Variants in ITGAM observed in about 807,000 individuals in gnomAD.
ITGAM encodes the protein integrin alpha-M.
ITGAM carries 79 observed loss-of-function variants against 137.5 expected under a neutral mutation model. That is an observed-to-expected ratio of 0.57 (90% CI 0.48 to 0.69). ITGAM has a LOEUF of 0.69. ITGAM is among the 30% of genes least tolerant of loss of function. ITGAM has a pLI of 0.00. For missense variants in ITGAM, 1,343 were observed against 1,483.5 expected (o/e 0.91, Z 1.56); for synonymous variants, 583 against 592.3 (o/e 0.98, Z 0.23).
intron 12 of ITGAM, among the ~76,000 whole-genome samples, chr16:31,279,419 T>G (rs1404357135): frequency 6.6e-6 from 1 of 152,222 alleles, no homozygotes; most frequent in East Asian, 1.9e-4. Flanking sequence ...GACTTTTTAA[T>G]GATCACCATT....
intron 14 of ITGAM, among the ~76,000 whole-genome samples, chr16:31,313,806 T>C (rs1174614290): frequency 6.6e-6 from 1 of 152,224 alleles, no homozygotes; most frequent in East Asian, 1.9e-4. Context: ...ATCGCCACAC[T>C]GTCTTCTACA....
At position 31,330,723 on chromosome 16, in the gene ITGAM, GAGAC is replaced by G. The variant is rs1597045320; in HGVS notation, c.3276+122_3276+125del. On this transcript the variant is annotated intron_variant, in intron 28 of 29. Transcript: ENST00000544665. ...GGAGAGAGAGAGACAGAGCGACAGA[GAGAC>G]AGAGAGATACAGAGACGTAAGGAGA... The G allele has an allele frequency of 2.1e-5, 15 of 708,504 alleles. No homozygotes were observed. In the East Asian group the frequency reaches 3.5e-4, roughly 17 times the overall value. The allele number at this position is 708,504 out of a possible 1,614,324, so 43.9% of individuals were successfully genotyped here.
intron 14 of ITGAM, among the ~76,000 whole-genome samples, chr16:31,302,832 G>T (rs1177930138): frequency 6.6e-6 from 1 of 150,950 alleles, no homozygotes; most frequent in East Asian, 2.0e-4. Flanking sequence ...ACCGCGCCCA[G>T]CTTTTTCTTT....
At position 31,271,000 on chromosome 16, in the gene ITGAM, T is replaced by C. The variant is rs952116235; in HGVS notation, c.474T>C (p.Ser158=). ...ACATTGCCTTCTTGATTGATGGCTC[T>C]GGTAGCATCATCCCACATGACTTTC... The part of the protein sequence containing the change: ...DSDIAFLIDG[S]GSIIPHDFRR... Residue 158 remains serine (S), a synonymous_variant, in exon 6 of 30, where the codon TCT becomes TCC. Coordinates refer to ENST00000544665, the MANE Select transcript of ITGAM (RefSeq NM_000632.4). 4 of 1,592,992 alleles carry C rather than the reference T, an allele frequency of 2.5e-6. No homozygotes were observed. The East Asian group carries it at 9.1e-5, about 36-fold the overall frequency.
At chr16:31,322,363 GC>G (rs959826306) in intron 16 of ITGAM, among the ~76,000 whole-genome samples, 4 of 152,178 alleles carry the variant, frequency 2.6e-5, no homozygotes, top group African/African-American at 9.7e-5. Context: ...AGAGCAGCCA[GC>G]ATGGCTAGAA....
At position 31,331,926 on chromosome 16, in the gene ITGAM, C is replaced by A; in HGVS notation, c.*219C>A. The stretch of plus-strand genomic sequence containing the variant: ...GCGTGTGCGTGCATGTGCACTTGCA[C>A]GCCCATGTGTGAGTGTGTGCAAGTA... On this transcript the variant is annotated 3_prime_UTR_variant, in exon 30 of 30. Coordinates refer to ENST00000544665, the MANE Select transcript of ITGAM (RefSeq NM_000632.4). 3.6e-6 allele frequency: 2 copies of A among 558,324 alleles called. No individual in the cohort carries two copies. The highest frequency in any genetic ancestry group is 6.3e-6 in the Non-Finnish European group (2 of 316,122). 34.6% of individuals were successfully genotyped at this position (558,324 alleles called of 1,614,324 possible).
At chr16:31,277,153 G>C (rs2144311333) in intron 11 of ITGAM, 104 bp downstream of exon 11, 2 of 978,840 alleles carry the variant, frequency 2.0e-6, no homozygotes, top group East Asian at 5.5e-5. Context: ...CATATGTATG[G>C]GATACTAGCT....
chr16:31,318,092 T>C (rs980417899), intron 14 of ITGAM, among the ~76,000 whole-genome samples: 1 of 152,194 alleles, frequency 6.6e-6, no homozygotes. Context: ...TTCAATTTCC[T>C]TACTCATTAT....
chr16:31,323,159 C>T (rs777375962), intron 16 of ITGAM, among the ~76,000 whole-genome samples: 2 of 152,024 alleles, frequency 1.3e-5, no homozygotes, highest in Non-Finnish European at 2.9e-5. Flanking sequence ...TGGCCAGTCA[C>T]GGTGGCTCAC....
In ITGAM at chr16:31,324,258, A is replaced by G. The variant is rs529685463; in HGVS notation, c.2003-141A>G. 8 of 589,618 alleles carry G rather than the reference A, an allele frequency of 1.4e-5. No individual in the cohort carries two copies. The highest frequency in any genetic ancestry group is 1.1e-4 in the African/African-American group (6 of 54,228). 36.5% of individuals were successfully genotyped at this position (589,618 alleles called of 1,614,324 possible). A position where few individuals can be genotyped will look rare whatever the true frequency, so the allele number is the denominator to read the frequency against. ...GAAAGAAAGAAAGAAAAAGGAAGGA[A>G]GGAAGGAAAGAAGACTCAGAGAAGT... On this transcript the variant is annotated intron_variant, in intron 16 of 29. Transcript: ENST00000544665. This position sits in a 1 kb window ranked among gnomAD's most constrained non-coding sequence, Gnocchi z 4.5.
rs558150108 is a variant in ITGAM at position 31,311,081 on chromosome 16, A to G, written c.1708-10160A>G. 5.3e-5 allele frequency among the ~76,000 whole-genome samples: 8 copies of G among 152,326 alleles called. No individual in the cohort carries two copies. The South Asian group carries it at 1.5e-3, about 28-fold the overall frequency. The stretch of plus-strand genomic sequence containing the variant: ...GGTGCTGGGAAAACTGGCTGGCCAT[A>G]TGTAGAAAGCTGAAACTGGATCCCT... On this transcript the variant is annotated intron_variant, in intron 14 of 29. Coordinates refer to ENST00000544665, the MANE Select transcript of ITGAM (RefSeq NM_000632.4).
intron 29 of ITGAM, 98 bp downstream of exon 29, chr16:31,331,373 G>T: frequency 1.3e-6 from 1 of 776,862 alleles, no homozygotes; most frequent in South Asian, 1.6e-5. Flanking sequence ...CCAGCTGTGT[G>T]ACTGGGGCGA....
Position 31,329,035 on chromosome 16 carries a change from C to G in ITGAM, c.2793-193C>G, listed in dbSNP as rs1246369814. 4.7e-6 allele frequency: 3 copies of G among 641,998 alleles called. No homozygotes were observed. In the Admixed American group the frequency reaches 7.9e-5, roughly 17 times the overall value. 39.8% of individuals were successfully genotyped at this position (641,998 alleles called of 1,614,324 possible). ...ATTTGTGCACGTGTGTGTGAGTGGC[C>G]CAAATGGGCACGCACTGTGTGTCCA... On this transcript the variant is annotated intron_variant, in intron 23 of 29. Transcript: ENST00000544665.
Position 31,280,049 on chromosome 16 carries a change from A to C in ITGAM, c.1356+1940A>C, listed in dbSNP as rs953941922. On this transcript the variant is annotated intron_variant, in intron 12 of 29. Transcript: ENST00000544665. ...TTTGTCAAAGATCAGATGGTTGTAGATGTGTGGTATTATTTCTGAGGGCCC... is the reference window on the plus strand; with the variant it reads ...TTTGTCAAAGATCAGATGGTTGTAGCTGTGTGGTATTATTTCTGAGGGCCC... Among the ~76,000 whole-genome samples the C allele has an allele frequency of 2.6e-5, 4 of 151,942 alleles. 1 individual carries two copies. The highest frequency in any genetic ancestry group is 2.6e-4 in the Admixed American group (4 of 15,236).
chr16:31,326,634 C>T (rs1430051824), intron 21 of ITGAM, among the ~76,000 whole-genome samples: 2 of 152,094 alleles, frequency 1.3e-5, no homozygotes, highest in African/African-American at 4.8e-5. Context: ...CCAGGCTGGT[C>T]TCGAACTCCT....
intron 22 of ITGAM, among the ~76,000 whole-genome samples, chr16:31,327,619 T>TAATAA (rs1469921279): frequency 6.7e-6 from 1 of 149,418 alleles, no homozygotes; most frequent in Admixed American, 6.7e-5. Flanking sequence ...ATAATAATAA[T>TAATAA]AAAAAATAAA....
At chr16:31,283,516 A>G (rs1242408318) in intron 12 of ITGAM, among the ~76,000 whole-genome samples, 1 of 152,134 alleles carries the variant, frequency 6.6e-6, no homozygotes, top group African/African-American at 2.4e-5. Flanking sequence ...TGAATTGGCT[A>G]CTGAAGCTTG....
rs745364774 is a variant in ITGAM at position 31,270,122 on chromosome 16, C to CTCCTTTGCT, written c.428-831_428-830insCCTTTGCTT. On this transcript the variant is annotated intron_variant, in intron 5 of 29. Transcript: ENST00000544665. ...TGGCAAATCCTTCCTTCCTTCCTTC[C>CTCCTTTGCT]TTCCTTCCTCCTTTGCTTTCCTTTC... Among the ~76,000 whole-genome samples, 49 of 144,240 alleles carry CTCCTTTGCT rather than the reference C, an allele frequency of 3.4e-4. No individual in the cohort carries two copies. The South Asian group carries it at 8.1e-3, about 24-fold the overall frequency. The allele number at this position is 144,240 out of a possible 152,430, so 94.6% of individuals were successfully genotyped here.
At chr16:31,280,492 T>A (rs972425265) in intron 12 of ITGAM, among the ~76,000 whole-genome samples, 1 of 152,216 alleles carries the variant, frequency 6.6e-6, no homozygotes, top group African/African-American at 2.4e-5. Flanking sequence ...TTATTCTCTT[T>A]GAAGCAATTG....
Sources: gnomAD v4.1 joint callset for allele counts (sites outside exome capture counted in the v4.1 genomes callset) on GRCh38, gnomAD v4.1.1 for gene constraint, Gnocchi (gnomAD v3.1) non-coding constraint, MANE v1.5 for transcripts, NCBI Gene and HGNC (gene_info 2026-07-23, HGNC 2026-07-21) for gene names.